Variants in DAB1 observed in about 807,000 individuals in gnomAD.
DAB1 encodes DAB adaptor protein 1.
A neutral mutation model predicts 64.6 loss-of-function variants in DAB1; 15 were observed. The ratio of observed to expected loss-of-function variants is 0.23; its 90% CI spans 0.16 to 0.36. DAB1 has a LOEUF of 0.36. Among genes scored for constraint, DAB1 ranks in the 10% least tolerant of loss-of-function variants. DAB1 has a pLI of 1.00. For missense variants in DAB1, 596 were observed against 706.7 expected (o/e 0.84, Z 1.78); for synonymous variants, 235 against 251.9 (o/e 0.93, Z 0.64).
chr1:57,759,295 G>A (rs996539528), intron 6 of DAB1, among the ~76,000 whole-genome samples: 1 of 152,152 alleles, frequency 6.6e-6, no homozygotes, highest in Non-Finnish European at 1.5e-5. Flanking sequence ...TAGGGAAATT[G>A]CTTAAATATA....
chr1:57,812,668 A>T (rs757597962), intron 6 of DAB1, among the ~76,000 whole-genome samples: 3 of 152,246 alleles, frequency 2.0e-5, no homozygotes, highest in Non-Finnish European at 4.4e-5. Flanking sequence ...TTTCTCATTC[A>T]GATTCACAAA....
intron 2 of DAB1, among the ~76,000 whole-genome samples, chr1:58,519,301 G>A (rs1646223801): frequency 6.6e-6 from 1 of 152,148 alleles, no homozygotes; most frequent in Admixed American, 6.5e-5. Context: ...TATTTTGATA[G>A]AGGCATGAAA....
chr1:58,319,313 C>A (rs1281756957), intron 4 of DAB1, among the ~76,000 whole-genome samples: 1 of 152,184 alleles, frequency 6.6e-6, no homozygotes, highest in African/African-American at 2.4e-5. Context: ...TCTCAAATTA[C>A]TTTTCTGCTT....
intron 2 of DAB1, among the ~76,000 whole-genome samples, chr1:57,266,894 A>G (rs1481600855): frequency 6.6e-6 from 1 of 152,182 alleles, no homozygotes; most frequent in Non-Finnish European, 1.5e-5. Context: ...GACTTGCTCT[A>G]AGTAAATTTA....
chr1:57,173,844 T>C (rs1294141026), intron 2 of DAB1, among the ~76,000 whole-genome samples: 2 of 152,132 alleles, frequency 1.3e-5, no homozygotes, highest in Non-Finnish European at 2.9e-5. Flanking sequence ...ATTACAATAA[T>C]TTCATTCCTT....
At chr1:58,489,439 G>T (rs1405254718) in intron 3 of DAB1, among the ~76,000 whole-genome samples, 1 of 152,200 alleles carries the variant, frequency 6.6e-6, no homozygotes, top group African/African-American at 2.4e-5. Context: ...AAACAAAGCA[G>T]CTGGGAAGCT....
chr1:57,659,117 A>C (rs1423615360), intron 6 of DAB1, among the ~76,000 whole-genome samples: 1 of 152,140 alleles, frequency 6.6e-6, no homozygotes, highest in Non-Finnish European at 1.5e-5. Flanking sequence ...TCCTGGAGGC[A>C]CAAGTCCCCA....
At chr1:57,636,249 A>G (rs1022769853) in intron 7 of DAB1, among the ~76,000 whole-genome samples, 11 of 152,162 alleles carry the variant, frequency 7.2e-5, no homozygotes, top group Non-Finnish European at 1.6e-4. Context: ...ATTCAGGAAG[A>G]GAGGTCTCAC....
At chr1:57,884,672 A>G (rs375871505), upstream of DAB1, among the ~76,000 whole-genome samples, 4 of 152,334 alleles carry the variant, frequency 2.6e-5, no homozygotes, top group African/African-American at 9.6e-5. Context: ...TGCCTTTTCC[A>G]TATCCTCATT....
At chr1:57,695,447 G>A (rs4912171) in intron 6 of DAB1, among the ~76,000 whole-genome samples, 1 of 145,554 alleles carries the variant, frequency 6.9e-6, no homozygotes, top group Non-Finnish European at 1.5e-5. Context: ...AAGAAGAAAA[G>A]AGCCAATTAA....
At chr1:58,372,822 T>C (rs956408746) in intron 3 of DAB1, among the ~76,000 whole-genome samples, 3 of 152,154 alleles carry the variant, frequency 2.0e-5, no homozygotes, top group African/African-American at 4.8e-5. Flanking sequence ...ATGTAAGACA[T>C]GCCTTGCTTT....
chr1:57,677,660 G>A (rs1037199182), intron 6 of DAB1, among the ~76,000 whole-genome samples: 5 of 152,158 alleles, frequency 3.3e-5, no homozygotes, highest in Non-Finnish European at 5.9e-5. Flanking sequence ...TACTCTGAAC[G>A]ACCAACTGAT....
intron 3 of DAB1, among the ~76,000 whole-genome samples, chr1:58,485,477 T>C (rs1305865710): frequency 6.6e-6 from 1 of 152,080 alleles, no homozygotes; most frequent in Admixed American, 6.6e-5. Flanking sequence ...CTTCTTCATG[T>C]GTGAACTGTT....
At chr1:57,582,959 AAATC>A (rs1645331341) in intron 7 of DAB1, among the ~76,000 whole-genome samples, 1 of 152,186 alleles carries the variant, frequency 6.6e-6, no homozygotes, top group Non-Finnish European at 1.5e-5. Flanking sequence ...GTTCTGATGA[AAATC>A]CCTTTTCTTC....
At chr1:57,798,381 CAG>C (rs1015983413) in intron 6 of DAB1, among the ~76,000 whole-genome samples, 92 of 152,228 alleles carry the variant, frequency 6.0e-4, no homozygotes, top group African/African-American at 2.2e-3. Flanking sequence ...CCTGCTTTGA[CAG>C]GGGTCAGGGA....
intron 2 of DAB1, chr1:58,527,239 T>C: frequency 1.1e-6 from 1 of 871,204 alleles, no homozygotes; most frequent in South Asian, 1.3e-5. Context: ...CATTATGTAT[T>C]CTCAACTACT....
chr1:58,210,773 G>A (rs1404321027), intron 4 of DAB1, among the ~76,000 whole-genome samples: 1 of 152,066 alleles, frequency 6.6e-6, no homozygotes, highest in Admixed American at 6.6e-5. Context: ...TTACTTTCCT[G>A]TAAGAGAGCT....
intron 1 of DAB1, among the ~76,000 whole-genome samples, chr1:57,316,267 T>G (rs1232228309): frequency 1.3e-5 from 2 of 152,210 alleles, no homozygotes; most frequent in Non-Finnish European, 2.9e-5. Flanking sequence ...CAAGAAGCAC[T>G]TCCTAAGTCA....
chr1:58,080,443 C>T (rs1649926565), intron 5 of DAB1, among the ~76,000 whole-genome samples: 1 of 152,160 alleles, frequency 6.6e-6, no homozygotes, highest in African/African-American at 2.4e-5. Flanking sequence ...CAAGATTATG[C>T]CCAAGGGACA....
Sources: allele counts gnomAD v4.1 joint callset (sites outside exome capture counted in the v4.1 genomes callset), GRCh38; gene constraint gnomAD v4.1.1; transcripts MANE v1.5; gene names NCBI Gene and HGNC (gene_info 2026-07-23, HGNC 2026-07-21).